Variants in STK26 observed in about 807,000 individuals in gnomAD.
STK26 encodes serine/threonine-protein kinase 26.
In STK26, 14 loss-of-function variants were observed where a neutral mutation model predicts 34.7. That is an observed-to-expected ratio of 0.40 (90% CI 0.27 to 0.63). The LOEUF (loss-of-function observed/expected upper bound fraction) is 0.63, where lower values mean the gene tolerates loss of function less well. STK26 is among the 30% of genes least tolerant of loss of function. STK26 has a pLI of 0.38. For synonymous variants in STK26, 100 were observed against 109.8 expected (o/e 0.91, Z 0.56); for missense variants, 226 against 309.1 (o/e 0.73, Z 2.02).
intron 4 of STK26, among the ~76,000 whole-genome samples, chrX:132,065,578 C>G (rs1435482915): frequency 4.5e-5 from 5 of 112,132 alleles, no homozygotes; most frequent in Admixed American, 3.8e-4. Flanking sequence ...ATTGTGAGAT[C>G]TTAATCTCAT....
At chrX:132,068,712 C>A in intron 6 of STK26, 143 bp downstream of exon 6, 1 of 630,176 alleles carries the variant, frequency 1.6e-6, no homozygotes, top group Non-Finnish European at 2.3e-6. Context: ...GCTGCTTAAT[C>A]ATAAATTCCC....
At position 132,054,674 on chromosome X, in the gene STK26, G is replaced by T; in HGVS notation, c.86G>T (p.Arg29Leu). Residue 29 changes from arginine to leucine, a missense_variant, in exon 3 of 12, where the codon CGC becomes CTC. By Grantham distance (102) the Arg-to-Leu change is moderately radical. Around this residue, in one of 2 missense-constraint regions of STK26, gnomAD observed 100 missense variants for 176.7 expected, o/e 0.57. Transcript: ENST00000394334. ...DPEELFTKLERIGKGSFGEVF... is the reference protein window; with the variant it reads ...DPEELFTKLELIGKGSFGEVF... ...GAAGAACTGTTCACAAAATTAGAGC[G>T]CATTGGGAAAGGCTCATTTGGGGAA... is the stretch of plus-strand genomic sequence containing the variant. The T allele has an allele frequency of 3.3e-6, 4 of 1,211,344 alleles. No individual in the cohort carries two copies. The highest frequency in any genetic ancestry group is 2.3e-4 in the Middle Eastern group (1 of 4,352).
At chrX:132,047,795 G>A (rs929562459) in intron 2 of STK26, among the ~76,000 whole-genome samples, 3 of 111,859 alleles carry the variant, frequency 2.7e-5, no homozygotes, top group Admixed American at 9.5e-5. Context: ...TTAAAAAATT[G>A]CATCATTTTC....
At chrX:132,052,755 C>T (rs1377246922) in intron 2 of STK26, among the ~76,000 whole-genome samples, 1 of 112,154 alleles carries the variant, frequency 8.9e-6, no homozygotes, top group African/African-American at 3.2e-5. Context: ...TTAATGAATA[C>T]ATACACTTCC....
chrX:132,071,304 C>A, intron 8 of STK26, 87 bp downstream of exon 8: 1 of 1,011,608 alleles, frequency 9.9e-7, no homozygotes, highest in Non-Finnish European at 1.4e-6. Context: ...CTTGTTCTAG[C>A]ATAAAATATA....
At chrX:132,029,013 A>G (rs1209945755) in intron 2 of STK26, among the ~76,000 whole-genome samples, 1 of 112,567 alleles carries the variant, frequency 8.9e-6, no homozygotes, top group Non-Finnish European at 1.9e-5. Context: ...GCAGAAGACC[A>G]GCTGGAACAA....
rs1569329991 is a variant in STK26, at chrX:132,044,689, AGAGAGAGAGAGAGAGAGAGATC to A, written c.43-9941_43-9920del. ...TCGAGATCTATATATATATATATATAGAGAGAGAGAGAGAGAGAGATCTATATATATATTTATATATATATAG... is the reference window on the plus strand; with the variant it reads ...TCGAGATCTATATATATATATATATATATATATATATTTATATATATATAG... On this transcript the variant is annotated intron_variant, in intron 2 of 11. Transcript: ENST00000394334. 3.0e-3 allele frequency among the ~76,000 whole-genome samples: 154 copies of A among 50,967 alleles called. 6 individuals are homozygous for A. Among genetic ancestry groups the A allele is most frequent in the Non-Finnish European group, 3.9e-3 (115 of 29,171 alleles). The allele number at this position is 50,967 out of a possible 115,157, so 44.3% of individuals were successfully genotyped here.
chrX:132,027,573 C>G (rs187650503), intron 2 of STK26, among the ~76,000 whole-genome samples: 1 of 111,644 alleles, frequency 9.0e-6, no homozygotes, highest in African/African-American at 3.3e-5. Context: ...CACACACACA[C>G]AATCTTTGAG....
At chrX:132,032,354 G>A (rs1244785374) in intron 2 of STK26, among the ~76,000 whole-genome samples, 1 of 112,197 alleles carries the variant, frequency 8.9e-6, no homozygotes. Context: ...AAGAGTTGAA[G>A]ATAGTCTAAT....
At chrX:132,064,527 T>C (rs1272948303) in intron 4 of STK26, among the ~76,000 whole-genome samples, 1 of 111,693 alleles carries the variant, frequency 9.0e-6, no homozygotes, top group Non-Finnish European at 1.9e-5. Context: ...TCTTTATTAA[T>C]ATGATACTAT....
chrX:132,045,143 A>T (rs978169874), intron 2 of STK26, among the ~76,000 whole-genome samples: 12 of 109,485 alleles, frequency 1.1e-4, no homozygotes, highest in Non-Finnish European at 1.9e-4. Context: ...ATCAGTCTGG[A>T]CAATGACTCA....
In STK26 at chrX:132,034,604, T is replaced by C. The variant is rs750575076; in HGVS notation, c.42+10945T>C. Among the ~76,000 whole-genome samples the C allele has an allele frequency of 4.9e-4, 55 of 111,937 alleles. 1 individual carries two copies. Among genetic ancestry groups the C allele is most frequent in the Non-Finnish European group, 8.5e-4 (45 of 53,134 alleles). On this transcript the variant is annotated intron_variant, in intron 2 of 11. Coordinates refer to ENST00000394334, the MANE Select transcript of STK26 (RefSeq NM_016542.4). ...CCACCGCGCCCGGCCAGGAGACATT[T>C]ATTCTTTACTCAGTCCATAACAAGG... is the stretch of plus-strand genomic sequence containing the variant.
intron 2 of STK26, among the ~76,000 whole-genome samples, chrX:132,035,349 C>T (rs1188696571): frequency 9.0e-6 from 1 of 111,481 alleles, no homozygotes; most frequent in East Asian, 2.8e-4. Flanking sequence ...CCATCCTCAT[C>T]ATTATATAGT....
rs752904389 is a variant in STK26, at chrX:132,071,194, A to C, written c.909A>C (p.Glu303Asp). ...RWKAEGHSDD[E>D]SDSEGSDSES... ...AGGCAGAAGGACACAGTGATGATGA[A>C]TCTGATTCCGAGGGCTCTGATTCGT... The change falls in exon 8 of 12, where the codon GAA becomes GAC. Residue 303 changes from glutamate (E) to aspartate (D), a missense_variant. Glu to Asp is a conservative substitution (Grantham distance 45, BLOSUM62 2). Around this residue, in one of 2 missense-constraint regions of STK26, gnomAD observed 126 missense variants for 132.4 expected, o/e 0.95. Transcript: ENST00000394334. 3.3e-5 allele frequency: 40 copies of C among 1,208,683 alleles called. No individual in the cohort carries two copies. The highest frequency in any genetic ancestry group is 4.5e-5 in the Non-Finnish European group (40 of 894,576).
chrX:132,048,360 A>C (rs915528332), intron 2 of STK26, among the ~76,000 whole-genome samples: 1 of 111,940 alleles, frequency 8.9e-6, no homozygotes, highest in Admixed American at 9.5e-5. Context: ...GATAGTACAG[A>C]GTAGACATTA....
chrX:132,074,045 A>G, intron 11 of STK26, 90 bp from the exon 12 acceptor site: 1 of 773,950 alleles, frequency 1.3e-6, no homozygotes, highest in Non-Finnish European at 1.8e-6. Flanking sequence ...CCTTTTGTGG[A>G]ATCAGTTTCT....
intron 4 of STK26, among the ~76,000 whole-genome samples, chrX:132,065,396 C>T (rs922590588): frequency 9.0e-6 from 1 of 111,602 alleles, no homozygotes; most frequent in African/African-American, 3.3e-5. Context: ...TCAGGGTGCT[C>T]ACCATATCTC....
chrX:132,055,350 G>A (rs1050340515), intron 3 of STK26: 52 of 738,554 alleles, frequency 7.0e-5, no homozygotes, highest in Admixed American at 1.1e-4. Context: ...CTTAGCACAG[G>A]GTATGGTACA....
Position 132,047,414 on chromosome X carries a change from G to A in STK26, c.43-7217G>A, listed in dbSNP as rs182282620. On this transcript the variant is annotated intron_variant, in intron 2 of 11. Transcript: ENST00000394334. Reference sequence around the variant, plus strand: ...ACAAAATTAACAATTGATGCTAAATGTTGTTTTTTATTCCTGGACAATTTC... The same window carrying A: ...ACAAAATTAACAATTGATGCTAAATATTGTTTTTTATTCCTGGACAATTTC... 1.7e-3 allele frequency among the ~76,000 whole-genome samples: 195 copies of A among 111,971 alleles called. 1 individual carries two copies. Among genetic ancestry groups the A allele is most frequent in the Admixed American group, 0.016 (168 of 10,526 alleles).
Sources: gnomAD v4.1 joint callset for allele counts (sites outside exome capture counted in the v4.1 genomes callset) on GRCh38, gnomAD v4.1.1 for gene constraint, gnomAD v4.1.1 regional missense constraint, MANE v1.5 for transcripts, NCBI Gene and HGNC (gene_info 2026-07-23, HGNC 2026-07-21) for gene names.